PTPRD: variants seen among roughly 807,000 people sequenced by gnomAD.
PTPRD encodes the protein protein tyrosine phosphatase receptor type D.
Under a neutral mutation model 214.5 loss-of-function variants are expected in PTPRD, and 34 were observed. The ratio of observed to expected loss-of-function variants is 0.16; its 90% confidence interval spans 0.12 to 0.21. The LOEUF is 0.21. PTPRD is among the 10% of genes least tolerant of loss of function. The pLI is 1.00. For missense variants in PTPRD, 2,545 were observed against 2,398.7 expected (o/e 1.06, Z -1.27); for synonymous variants, 1,128 against 845.7 (o/e 1.33, Z -5.79).
intron 11 of PTPRD, among the ~76,000 whole-genome samples, chr9:8,779,178 C>A (rs955258981): frequency 2.6e-4 from 40 of 152,244 alleles, no homozygotes; most frequent in Admixed American, 1.4e-3. Flanking sequence ...AAAATAACAG[C>A]AGGAAGACAG....
chr9:8,508,103 T>C (rs2097578366), intron 21 of PTPRD, among the ~76,000 whole-genome samples: 1 of 152,194 alleles, frequency 6.6e-6, no homozygotes, highest in Admixed American at 6.5e-5. Context: ...ATATCCTCTC[T>C]AGTGCCACAA....
At chr9:9,441,139 T>C (rs780396897) in intron 8 of PTPRD, among the ~76,000 whole-genome samples, 156 of 152,016 alleles carry the variant, frequency 1.0e-3, no homozygotes, top group Non-Finnish European at 5.2e-4. Context: ...GAGGTGTCTC[T>C]CTACAGCTTA....
At chr9:9,569,159 C>T (rs77303908) in intron 8 of PTPRD, among the ~76,000 whole-genome samples, 2,041 of 151,622 alleles carry the variant, frequency 0.013, 34 homozygotes, top group African/African-American at 0.046. Context: ...TAGTAATAAT[C>T]CTCTAACTAT....
At chr9:8,789,623 AG>A (rs1277129069) in intron 11 of PTPRD, among the ~76,000 whole-genome samples, 1 of 152,180 alleles carries the variant, frequency 6.6e-6, no homozygotes, top group African/African-American at 2.4e-5. Flanking sequence ...GAGGTGGTTT[AG>A]AAACAGTAGA....
At chr9:10,169,996 TATGATACTCTCTTATCACAAA>T (rs1451166756) in intron 3 of PTPRD, among the ~76,000 whole-genome samples, 1 of 151,966 alleles carries the variant, frequency 6.6e-6, no homozygotes, top group African/African-American at 2.4e-5. Flanking sequence ...ATGTTCTCAA[TATGATACTCTCTTATCACAAA>T]ATGCAAGTGA....
intron 5 of PTPRD, among the ~76,000 whole-genome samples, chr9:9,883,141 AATG>A (rs1411427717): frequency 3.0e-4 from 46 of 152,228 alleles, no homozygotes; most frequent in African/African-American, 1.1e-3. Flanking sequence ...AGCAACGCAA[AATG>A]AACAAACCCC....
At chr9:8,627,751 A>AGTCT (rs1171060359) in intron 14 of PTPRD, among the ~76,000 whole-genome samples, 1 of 151,824 alleles carries the variant, frequency 6.6e-6, no homozygotes, top group East Asian at 1.9e-4. Context: ...TTTCAGTTTT[A>AGTCT]ATGTCTCCCC....
intron 9 of PTPRD, among the ~76,000 whole-genome samples, chr9:9,256,420 T>C (rs2099977725): frequency 6.6e-6 from 1 of 152,022 alleles, no homozygotes; most frequent in African/African-American, 2.4e-5. Context: ...CTCTCTTTTT[T>C]TTCCATTTTT....
chr9:8,577,830 A>T (rs1322993708), intron 14 of PTPRD, among the ~76,000 whole-genome samples: 1 of 152,162 alleles, frequency 6.6e-6, no homozygotes, highest in Admixed American at 6.5e-5. Context: ...CTGAATCAGA[A>T]ACTCTAGGGA....
chr9:9,525,646 A>G (rs2073950168), intron 8 of PTPRD, among the ~76,000 whole-genome samples: 1 of 152,072 alleles, frequency 6.6e-6, no homozygotes, highest in South Asian at 2.1e-4. Context: ...ATCATAGGTT[A>G]ATCTGTTCAG....
chr9:9,835,341 G>C (rs1029564661), intron 5 of PTPRD, among the ~76,000 whole-genome samples: 1 of 151,994 alleles, frequency 6.6e-6, no homozygotes, highest in Admixed American at 6.6e-5. Flanking sequence ...TAGTTATATA[G>C]ATATGATCCA....
At chr9:9,720,438 T>C (rs6477408) in intron 7 of PTPRD, among the ~76,000 whole-genome samples, 65,023 of 151,838 alleles carry the variant, frequency 0.43, 16,304 homozygotes, top group African/African-American at 0.69. Flanking sequence ...TCACTAGGCG[T>C]TTTACATTCT....
chr9:9,530,385 T>G (rs969407199), intron 8 of PTPRD, among the ~76,000 whole-genome samples: 1 of 152,070 alleles, frequency 6.6e-6, no homozygotes, highest in Admixed American at 6.6e-5. Flanking sequence ...TTGGAACACA[T>G]AGAGGAAATG....
At chr9:10,487,966 G>GTCTCTCTCTCTCTCTCTCTCTCTCTCTC (rs56372955) in intron 2 of PTPRD, among the ~76,000 whole-genome samples, 7 of 110,318 alleles carry the variant, frequency 6.3e-5, no homozygotes, top group African/African-American at 2.3e-4. Flanking sequence ...AATGAACACA[G>GTCTCTCTCTCTCTCTCTCTCTCTCTCTC]TCTCTCTCTC....
intron 12 of PTPRD, among the ~76,000 whole-genome samples, chr9:8,680,606 CTATA>C (rs1218893175): frequency 6.6e-6 from 1 of 152,038 alleles, no homozygotes; most frequent in Admixed American, 6.6e-5. Flanking sequence ...CATCTATATA[CTATA>C]TATGATATTA....
At chr9:10,529,390 TA>T (rs943756377) in intron 2 of PTPRD, among the ~76,000 whole-genome samples, 1 of 152,150 alleles carries the variant, frequency 6.6e-6, no homozygotes, top group Non-Finnish European at 1.5e-5. Flanking sequence ...TATTCAGCCA[TA>T]AAAAAGAATG....
At chr9:10,299,300 T>C (rs1367822693) in intron 3 of PTPRD, among the ~76,000 whole-genome samples, 1 of 152,174 alleles carries the variant, frequency 6.6e-6, no homozygotes, top group Admixed American at 6.5e-5. Flanking sequence ...TTCTAACTTA[T>C]GAGTTATAAT....
At chr9:8,934,478 A>AAT (rs1334901619) in intron 11 of PTPRD, among the ~76,000 whole-genome samples, 523 of 8,428 alleles carry the variant, frequency 0.062, 35 homozygotes, top group African/African-American at 0.097. Context: ...TATATATATA[A>AAT]ATATATATAT....
intron 3 of PTPRD, among the ~76,000 whole-genome samples, chr9:10,281,854 C>A (rs1006197439): frequency 6.6e-6 from 1 of 152,020 alleles, no homozygotes; most frequent in African/African-American, 2.4e-5. Flanking sequence ...TTTTCTAGAA[C>A]AAGGATTAGC....
Sources: allele counts gnomAD v4.1 joint callset (sites outside exome capture counted in the v4.1 genomes callset), GRCh38; gene constraint gnomAD v4.1.1; transcripts MANE v1.5; gene names NCBI Gene and HGNC (gene_info 2026-07-23, HGNC 2026-07-21).